The following ZNF10 variants were observed in gnomAD, a reference collection of about 807,000 sequenced individuals.
The protein encoded by ZNF10 is zinc finger protein 10 (KOX 1).
Under a neutral mutation model 12.2 loss-of-function variants are expected in ZNF10, and 8 were observed. That is an observed-to-expected ratio of 0.66 (90% CI 0.39 to 1.18). ZNF10 has a LOEUF of 1.18. ZNF10 is among the 50% of genes most tolerant of loss of function. ZNF10 has a pLI of 0.01. For missense variants in ZNF10, 603 were observed against 678.9 expected (o/e 0.89, Z 1.24); for synonymous variants, 229 against 228.2 (o/e 1.00, Z -0.03).
At chr12:133,145,245 A>G (rs1955968828) in intron 2 of ZNF10, among the ~76,000 whole-genome samples, 1 of 152,204 alleles carries the variant, frequency 6.6e-6, no homozygotes, top group Non-Finnish European at 1.5e-5. Flanking sequence ...AAACAACACA[A>G]TTCAGGATAA....
Position 133,156,011 on chromosome 12 carries a change from A to G in ZNF10, c.765A>G (p.Ile255Met). 1.2e-6 allele frequency: 2 copies of G among 1,613,896 alleles called. No individual in the cohort carries two copies. The highest frequency in any genetic ancestry group is 1.1e-5 in the South Asian group (1 of 91,090). The change falls in exon 5 of 5, where the codon ATA becomes ATG. Residue 255 changes from isoleucine to methionine, a missense_variant. Physicochemically the swap from Ile to Met is conservative, Grantham distance 10 (BLOSUM62 1). Coordinates refer to ENST00000248211, the MANE Select transcript of ZNF10 (RefSeq NM_015394.5). ...TTACTCATGGTTCATCTCTTGGTAT[A>G]TCAAAGGGCATACATAGAGAGAAAC... ...NSLTHGSSLG[I>M]SKGIHREKPY...
At chr12:133,141,382 G>T (rs1955943638) in intron 1 of ZNF10, among the ~76,000 whole-genome samples, 1 of 152,116 alleles carries the variant, frequency 6.6e-6, no homozygotes, top group Non-Finnish European at 1.5e-5. Context: ...AGTGAGGACG[G>T]TAATAATGAT....
In ZNF10 at chr12:133,155,596, C is replaced by A. The variant is rs766938775; in HGVS notation, c.350C>A (p.Ala117Glu). The change falls in exon 5 of 5, where the codon GCA (alanine) becomes GAA (glutamate). Residue 117 changes from alanine (A) to glutamate (E), a missense_variant. Coordinates refer to ENST00000248211, the MANE Select transcript of ZNF10 (RefSeq NM_015394.5). Reference protein sequence around the residue: ...QSCDIKMEGMARNDLWYLSLE... With the variant: ...QSCDIKMEGMERNDLWYLSLE... Reference sequence around the variant, plus strand: ...TGTGACATTAAAATGGAAGGAATGGCAAGGAATGATCTCTGGTATTTGTCA... The same window carrying A: ...TGTGACATTAAAATGGAAGGAATGGAAAGGAATGATCTCTGGTATTTGTCA... 1 of 1,613,698 alleles carries A rather than the reference C, an allele frequency of 6.2e-7. No homozygotes were observed. The highest frequency in any genetic ancestry group is 1.7e-5 in the Admixed American group (1 of 59,924).
intron 4 of ZNF10, among the ~76,000 whole-genome samples, chr12:133,153,950 C>T (rs1483520921): frequency 6.6e-6 from 1 of 152,108 alleles, no homozygotes. Flanking sequence ...GTCTCTTCCC[C>T]TGTGTCTGTG....
At chr12:133,142,341 T>A in intron 1 of ZNF10, among the ~76,000 whole-genome samples, 1 of 135,636 alleles carries the variant, frequency 7.4e-6, no homozygotes. Context: ...ACCTGGGAGG[T>A]GGAGGTTGCA....
intron 2 of ZNF10, among the ~76,000 whole-genome samples, chr12:133,145,500 T>G (rs531852431): frequency 6.6e-6 from 1 of 152,120 alleles, no homozygotes; most frequent in Non-Finnish European, 1.5e-5. Context: ...TAAATAAGCA[T>G]TATCCAATCC....
chr12:133,138,073 T>G (rs768522878), intron 1 of ZNF10, among the ~76,000 whole-genome samples: 33 of 152,018 alleles, frequency 2.2e-4, no homozygotes, highest in Non-Finnish European at 3.5e-4. Flanking sequence ...TAATCCCTTC[T>G]CAGATAATTA....
intron 2 of ZNF10, 125 bp downstream of exon 2, chr12:133,144,650 C>G: frequency 1.0e-6 from 1 of 961,106 alleles, no homozygotes; most frequent in Non-Finnish European, 1.6e-6. Context: ...TGTTTTGTTT[C>G]CAGGTGAGTT....
At chr12:133,143,205 C>T (rs937278639) in intron 1 of ZNF10, among the ~76,000 whole-genome samples, 2 of 152,046 alleles carry the variant, frequency 1.3e-5, no homozygotes, top group Non-Finnish European at 2.9e-5. Flanking sequence ...GGAGTTACCA[C>T]TGAGTGGGTA....
At chr12:133,144,986 G>A (rs1483275598) in intron 2 of ZNF10, 1 of 368,168 alleles carries the variant, frequency 2.7e-6, no homozygotes, top group Non-Finnish European at 5.4e-6. Context: ...AGGTTCAAGT[G>A]ATTCTTCTGC....
intron 1 of ZNF10, among the ~76,000 whole-genome samples, chr12:133,141,038 A>G (rs975175059): frequency 2.6e-5 from 4 of 152,196 alleles, no homozygotes. Flanking sequence ...TGAGAAGAGT[A>G]TATCTATTCC....
At position 133,155,938 on chromosome 12, in the gene ZNF10, C is replaced by T; in HGVS notation, c.692C>T (p.Thr231Ile). Residue 231 changes from threonine to isoleucine, a missense_variant, in exon 5 of 5, where the codon ACT becomes ATT. Physicochemically the swap from Thr to Ile is moderately conservative, Grantham distance 89 (BLOSUM62 -1). This residue lies in a region of ZNF10 where 393 missense variants were observed against 399.7 expected (regional missense o/e 0.98). Coordinates refer to ENST00000248211, the MANE Select transcript of ZNF10 (RefSeq NM_015394.5). ...ATTCACCTTATTCAGTTTGCAAGAACTCACACAGGTGATAAATCCTACAAA... is the reference window on the plus strand; with the variant it reads ...ATTCACCTTATTCAGTTTGCAAGAATTCACACAGGTGATAAATCCTACAAA... ...QNIHLIQFARTHTGDKSYKCP... is the reference protein window; with the variant it reads ...QNIHLIQFARIHTGDKSYKCP... 6.2e-7 allele frequency: 1 copy of T among 1,614,040 alleles called. No homozygotes were observed. The highest frequency in any genetic ancestry group is 8.5e-7 in the Non-Finnish European group (1 of 1,179,984).
At chr12:133,143,842 C>T (rs1034094683) in intron 1 of ZNF10, 1 of 128,942 alleles carries the variant, frequency 7.8e-6, no homozygotes, top group African/African-American at 3.2e-5. Context: ...GGACTGAGTT[C>T]TCATCTGGAG....
chr12:133,148,919 A>G (rs555509588), intron 2 of ZNF10, among the ~76,000 whole-genome samples: 1 of 151,274 alleles, frequency 6.6e-6, no homozygotes, highest in Non-Finnish European at 1.5e-5. Context: ...CACCTGGCTA[A>G]TTTTGTATTT....
At chr12:133,139,724 T>C (rs1955933485) in intron 1 of ZNF10, among the ~76,000 whole-genome samples, 1 of 151,954 alleles carries the variant, frequency 6.6e-6, no homozygotes, top group African/African-American at 2.4e-5. Context: ...TGGTGACTGA[T>C]TGGATGTTAA....
chr12:133,135,274 C>T (rs535950960), intron 1 of ZNF10, among the ~76,000 whole-genome samples: 2 of 152,200 alleles, frequency 1.3e-5, no homozygotes, highest in East Asian at 3.9e-4. Flanking sequence ...ATCTTTTGTT[C>T]TTACACAGCA....
intron 1 of ZNF10, chr12:133,139,094 C>A (rs1197732266): frequency 1.3e-5 from 2 of 152,198 alleles, no homozygotes; most frequent in African/African-American, 2.4e-5. Context: ...GAGACCTGTA[C>A]CTGATGTCAG....
At chr12:133,136,177 C>G (rs1380501035) in intron 1 of ZNF10, among the ~76,000 whole-genome samples, 1 of 152,018 alleles carries the variant, frequency 6.6e-6, no homozygotes, top group East Asian at 1.9e-4. Flanking sequence ...AGAGATTTGA[C>G]CCCATCCTTC....
intron 2 of ZNF10, among the ~76,000 whole-genome samples, chr12:133,149,731 TATTA>T (rs757692151): frequency 7.2e-5 from 11 of 152,120 alleles, no homozygotes; most frequent in Non-Finnish European, 1.3e-4. Context: ...TGTTTAATGT[TATTA>T]ATTAATACAA....
Sources: gnomAD v4.1 joint callset for allele counts (sites outside exome capture counted in the v4.1 genomes callset) on GRCh38, gnomAD v4.1.1 for gene constraint, gnomAD v4.1.1 regional missense constraint, MANE v1.5 for transcripts, NCBI Gene and HGNC (gene_info 2026-07-23, HGNC 2026-07-21) for gene names.